The following NOS1AP variants were observed in gnomAD, a reference collection of about 807,000 sequenced individuals.
The protein encoded by NOS1AP is nitric oxide synthase 1 adaptor protein, also known as carboxyl-terminal PDZ ligand of neuronal nitric oxide synthase protein.
Under a neutral mutation model 56.2 loss-of-function variants are expected in NOS1AP, and 21 were observed. That is an observed-to-expected ratio of 0.37 (90% CI 0.26 to 0.54). The LOEUF (loss-of-function observed/expected upper bound fraction) is 0.54. NOS1AP is among the 20% of genes least tolerant of loss of function. NOS1AP has a pLI of 0.84. For missense variants in NOS1AP, 522 were observed against 657.8 expected (o/e 0.79, Z 2.26); for synonymous variants, 270 against 274.6 (o/e 0.98, Z 0.17).
intron 4 of NOS1AP, among the ~76,000 whole-genome samples, chr1:162,321,481 A>G (rs1656410243): frequency 6.6e-6 from 1 of 152,134 alleles, no homozygotes; most frequent in Non-Finnish European, 1.5e-5. Context: ...AGAAAACCAA[A>G]CACCACATGT....
At chr1:162,363,947 G>A (rs145408027) in intron 8 of NOS1AP, 74 of 985,260 alleles carry the variant, frequency 7.5e-5, no homozygotes, top group South Asian at 2.3e-4. Flanking sequence ...TAGGGTCAAC[G>A]GCAAGGTCAG....
chr1:162,219,598 C>T (rs1482604607), intron 2 of NOS1AP, among the ~76,000 whole-genome samples: 3 of 152,218 alleles, frequency 2.0e-5, no homozygotes, highest in Admixed American at 6.5e-5. Context: ...AGATGGGGCA[C>T]AATAATTATT....
chr1:162,239,792 T>C (rs1168253882), intron 2 of NOS1AP, among the ~76,000 whole-genome samples: 4 of 152,128 alleles, frequency 2.6e-5, no homozygotes, highest in Non-Finnish European at 4.4e-5. Flanking sequence ...ACAAGTAGGG[T>C]GATGTTGCAA....
intron 1 of NOS1AP, among the ~76,000 whole-genome samples, chr1:162,098,594 T>C (rs1692303788): frequency 1.3e-5 from 2 of 151,840 alleles, no homozygotes; most frequent in South Asian, 2.1e-4. Flanking sequence ...GGTGGTTTGC[T>C]GTACAGATCA....
intron 1 of NOS1AP, among the ~76,000 whole-genome samples, chr1:162,127,305 C>A (rs1266920830): frequency 6.6e-6 from 1 of 152,090 alleles, no homozygotes; most frequent in Non-Finnish European, 1.5e-5. Context: ...AAGTATAGTG[C>A]AATGACCTCG....
chr1:162,289,301 T>TTCC, intron 3 of NOS1AP, among the ~76,000 whole-genome samples: 1 of 146,256 alleles, frequency 6.8e-6, no homozygotes, highest in African/African-American at 2.5e-5. Flanking sequence ...TTCTTCCTTC[T>TTCC]TTCTTTCTTT....
At chr1:162,103,531 G>A (rs1266058528) in intron 1 of NOS1AP, among the ~76,000 whole-genome samples, 1 of 152,090 alleles carries the variant, frequency 6.6e-6, no homozygotes, top group African/African-American at 2.4e-5. Flanking sequence ...TGACAGTGGG[G>A]TATTGAAGTC....
chr1:162,230,234 G>A (rs374653410), intron 2 of NOS1AP, among the ~76,000 whole-genome samples: 2 of 152,092 alleles, frequency 1.3e-5, no homozygotes, highest in African/African-American at 2.4e-5. Flanking sequence ...CAGCAAAACC[G>A]GACGGAGGGG....
At chr1:162,200,159 T>TG (rs1651946069) in intron 2 of NOS1AP, among the ~76,000 whole-genome samples, 1 of 152,212 alleles carries the variant, frequency 6.6e-6, no homozygotes, top group Non-Finnish European at 1.5e-5. Flanking sequence ...GTGGTGTTTC[T>TG]GGGGAGAGGA....
At chr1:162,097,364 A>G (rs894893149) in intron 1 of NOS1AP, among the ~76,000 whole-genome samples, 15 of 152,134 alleles carry the variant, frequency 9.9e-5, no homozygotes. Flanking sequence ...CACTGTCTTT[A>G]TGGTATCTTC....
intron 2 of NOS1AP, among the ~76,000 whole-genome samples, chr1:162,261,539 A>AGAAGAGAG (rs1557854014): frequency 0.097 from 1,643 of 16,910 alleles, 650 homozygotes; most frequent in Middle Eastern, 0.23. Flanking sequence ...AGAGAGAGAG[A>AGAAGAGAG]GAGAGAGCAA....
intron 8 of NOS1AP, among the ~76,000 whole-genome samples, chr1:162,361,658 G>T (rs2101826369): frequency 6.6e-6 from 1 of 152,320 alleles, no homozygotes; most frequent in Non-Finnish European, 1.5e-5. Context: ...ACCTGAAATA[G>T]TGTAACTGGG....
At chr1:162,186,429 A>C (rs372888162) in intron 2 of NOS1AP, among the ~76,000 whole-genome samples, 3 of 152,086 alleles carry the variant, frequency 2.0e-5, no homozygotes, top group African/African-American at 7.2e-5. Flanking sequence ...AAAAAAAAAC[A>C]AAAAAACCCC....
intron 1 of NOS1AP, among the ~76,000 whole-genome samples, chr1:162,146,213 T>C (rs1455465585): frequency 2.6e-5 from 4 of 152,218 alleles, no homozygotes; most frequent in African/African-American, 4.8e-5. Context: ...CAGAAGATTC[T>C]GCTAGCCTCT....
chr1:162,281,200 A>G (rs775729487), intron 2 of NOS1AP, among the ~76,000 whole-genome samples: 10 of 152,238 alleles, frequency 6.6e-5, no homozygotes, highest in Non-Finnish European at 1.3e-4. Context: ...ACCATGGACC[A>G]TATAAGGAAG....
intron 2 of NOS1AP, among the ~76,000 whole-genome samples, chr1:162,202,100 G>A (rs1405356924): frequency 6.6e-6 from 1 of 152,136 alleles, no homozygotes; most frequent in Non-Finnish European, 1.5e-5. Flanking sequence ...GGATCTGTAT[G>A]TGGTCCCAGA....
intron 2 of NOS1AP, among the ~76,000 whole-genome samples, chr1:162,278,394 A>G (rs973964870): frequency 6.6e-6 from 1 of 152,244 alleles, no homozygotes; most frequent in African/African-American, 2.4e-5. Flanking sequence ...ATTACTATTC[A>G]GTGTAGCTTC....
intron 2 of NOS1AP, among the ~76,000 whole-genome samples, chr1:162,249,214 G>A (rs897228014): frequency 1.3e-5 from 2 of 152,118 alleles, no homozygotes; most frequent in African/African-American, 2.4e-5. Context: ...GCTTTTCTCA[G>A]CCTAGCCCTT....
At position 162,279,101 on chromosome 1, in the gene NOS1AP, GT is replaced by G. The variant is rs1654834837; in HGVS notation, c.178-8238del. 2.0e-5 allele frequency among the ~76,000 whole-genome samples: 3 copies of G among 152,260 alleles called. No homozygotes were observed. In the South Asian group the frequency reaches 6.2e-4, roughly 32 times the overall value. On this transcript the variant is annotated intron_variant, in intron 2 of 9. Coordinates refer to ENST00000361897, the MANE Select transcript of NOS1AP (RefSeq NM_014697.3). ...TAAAGAAGAGAAGATTCTAATACTT[GT>G]TTTTAACATGCTGTGAGAGATATAG...
Sources: allele counts gnomAD v4.1 joint callset (sites outside exome capture counted in the v4.1 genomes callset), GRCh38; gene constraint gnomAD v4.1.1; transcripts MANE v1.5; gene names NCBI Gene and HGNC (gene_info 2026-07-23, HGNC 2026-07-21).